The following PCYT2 variants were observed in gnomAD, a reference collection of about 807,000 sequenced individuals.
PCYT2 encodes phosphate cytidylyltransferase 2, ethanolamine, also known as ethanolamine-phosphate cytidylyltransferase.
PCYT2 carries 33 observed loss-of-function variants against 50.0 expected under a neutral mutation model. That is an observed-to-expected ratio of 0.66 (90% CI 0.50 to 0.88). The LOEUF (loss-of-function observed/expected upper bound fraction) is 0.88, where lower values mean the gene tolerates loss of function less well. Among genes scored for constraint, PCYT2 ranks in the 40% least tolerant of loss-of-function variants. The pLI is 0.00. For synonymous variants in PCYT2, 240 were observed against 203.7 expected (o/e 1.18, Z -1.52); for missense variants, 430 against 519.7 (o/e 0.83, Z 1.68).
chr17:81,909,136 C>T, intron 2 of PCYT2, 99 bp from the exon 3 acceptor site: 2 of 1,528,622 alleles, frequency 1.3e-6, no homozygotes, highest in South Asian at 1.3e-5. Context: ...CACAAGAGGG[C>T]CGGTGGGGGC....
chr17:81,905,385 G>T lies in PCYT2; in HGVS notation c.966C>A (p.Tyr322Ter). The T allele has an allele frequency of 6.4e-7, 1 of 1,557,512 alleles. No individual in the cohort carries two copies. Among genetic ancestry groups the T allele is most frequent in the Non-Finnish European group, 8.7e-7 (1 of 1,150,360 alleles). Reference sequence around the variant, plus strand: ...AGCAAGGGCCAGCATGACCCACCTGGTATGGGTCGGAGCCATCCCTGTCAG... The same window carrying T: ...AGCAAGGGCCAGCATGACCCACCTGTTATGGGTCGGAGCCATCCCTGTCAG... ...IIPDRDGSDP[Y>*]QEPKRRGIFR... The change falls in exon 11 of 13, where the codon TAC becomes TAA. Residue 322 changes from tyrosine to a stop codon, truncating the protein, a stop_gained. Transcript: ENST00000538936. LOFTEE classifies it high-confidence loss of function.
At position 81,903,302 on chromosome 17, in the gene PCYT2, T is replaced by G. The variant is rs2040048481; in HGVS notation, c.*1531A>C. On this transcript the variant is annotated 3_prime_UTR_variant, in exon 13 of 13. Transcript: ENST00000538936. The stretch of plus-strand genomic sequence containing the variant: ...GAGAGTTGGGGGCCTGAGCCCTGGC[T>G]CCAGAGGCCCAGAGCATGCCTCCCC... The G allele has an allele frequency of 6.5e-6, 1 of 153,308 alleles. No homozygotes were observed. Among genetic ancestry groups the G allele is most frequent in the Admixed American group, 6.5e-5 (1 of 15,316 alleles). The allele number at this position is 153,308 out of a possible 1,614,324, so 9.5% of individuals were successfully genotyped here. A position where few individuals can be genotyped will look rare whatever the true frequency, so the allele number is the denominator to read the frequency against.
chr17:81,905,014 C>T, intron 12 of PCYT2, 52 bp downstream of exon 12: 1 of 1,590,676 alleles, frequency 6.3e-7, no homozygotes, highest in African/African-American at 1.3e-5. Flanking sequence ...CACGGTAAGT[C>T]TAGCGGAGAG....
Position 81,906,474 on chromosome 17 carries a change from T to C in PCYT2, c.749A>G (p.His250Arg), listed in dbSNP as rs1306281288. 27 of 1,613,172 alleles carry C rather than the reference T, an allele frequency of 1.7e-5. No individual in the cohort carries two copies. Among genetic ancestry groups the C allele is most frequent in the South Asian group, 3.3e-5 (3 of 91,082 alleles). ...AERPYIIAGL[H>R]FDQEVNHYKG... ...CAAGAAGGCAGTGACCTGGTCAAAGTGTAAGCCCGCGATGATGTAGGGCCT... is the reference window on the plus strand; with the variant it reads ...CAAGAAGGCAGTGACCTGGTCAAAGCGTAAGCCCGCGATGATGTAGGGCCT... Residue 250 changes from histidine (H) to arginine (R), a missense_variant, in exon 8 of 13, where the codon CAC becomes CGC. Coordinates refer to ENST00000538936, the MANE Select transcript of PCYT2 (RefSeq NM_002861.5).
chr17:81,911,254 G>A lies in PCYT2; in HGVS notation c.89+13C>T. ...CCCGGCGCCCCCGCGGCCCGCCCCG[G>A]CCCCGCGCTCACCAGCCATCGCACC... On this transcript the variant is annotated intron_variant, in intron 1 of 12. Transcript: ENST00000538936. 9.6e-7 allele frequency: 1 copy of A among 1,045,892 alleles called. No homozygotes were observed. Among genetic ancestry groups the A allele is most frequent in the Non-Finnish European group, 1.1e-6 (1 of 871,214 alleles). 64.8% of individuals were successfully genotyped at this position (1,045,892 alleles called of 1,614,324 possible).
chr17:81,910,704 G>C (rs955876374), intron 1 of PCYT2, among the ~76,000 whole-genome samples: 1 of 152,244 alleles, frequency 6.6e-6, no homozygotes, highest in Non-Finnish European at 1.5e-5. Context: ...CGGCAGGCAC[G>C]TGAAAGGGTC....
In PCYT2 at chr17:81,902,515, C is replaced by A. The variant is rs533951965; in HGVS notation, c.*2318G>T. 1,175 of 1,446,844 alleles carry A rather than the reference C, an allele frequency of 8.1e-4. No homozygotes were observed. The highest frequency in any genetic ancestry group is 1.0e-3 in the Non-Finnish European group (1,123 of 1,106,534). The allele number at this position is 1,446,844 out of a possible 1,614,324, so 89.6% of individuals were successfully genotyped here. Reference sequence around the variant, plus strand: ...CCCGGAGCTGCAACTGCACCCCAGGCTGCGGAGCCTCGTGAGTCCGGCGTG... The same window carrying A: ...CCCGGAGCTGCAACTGCACCCCAGGATGCGGAGCCTCGTGAGTCCGGCGTG... On this transcript the variant is annotated 3_prime_UTR_variant, in exon 13 of 13. Coordinates refer to ENST00000538936, the MANE Select transcript of PCYT2 (RefSeq NM_002861.5).
rs770434291 is a variant in PCYT2, at chr17:81,908,907, G to A, written c.309C>T (p.Asp103=). 1.2e-6 allele frequency: 2 copies of A among 1,613,962 alleles called. No homozygotes were observed. The change falls in exon 3 of 13, where the codon GAC becomes GAT. Residue 103 remains aspartate (D), a synonymous_variant. Coordinates refer to ENST00000538936, the MANE Select transcript of PCYT2 (RefSeq NM_002861.5). Reference sequence around the variant, plus strand: ...GAACACAGAAGTCACAGTTGTATTTGTCCAGGGTCTCTAGTGTAGTGACGT... The same window carrying A: ...GAACACAGAAGTCACAGTTGTATTTATCCAGGGTCTCTAGTGTAGTGACGT... The part of the protein sequence containing the change: ...APYVTTLETL[D]KYNCDFCVHG...
chr17:81,902,788 C>T lies in PCYT2; in HGVS notation c.*2045G>A. The stretch of plus-strand genomic sequence containing the variant: ...TGGCACCGCTGGGGGCCCCCCGCCC[C>T]CACCGTCCCACTCGGTGACCCCAGG... On this transcript the variant is annotated 3_prime_UTR_variant, in exon 13 of 13. Transcript: ENST00000538936. 1 of 1,563,154 alleles carries T rather than the reference C, an allele frequency of 6.4e-7. No homozygotes were observed. Among genetic ancestry groups the T allele is most frequent in the Non-Finnish European group, 8.6e-7 (1 of 1,157,414 alleles).
Position 81,906,110 on chromosome 17 carries a change from A to C in PCYT2, c.827T>G (p.Leu276Arg). ...CTGGCCCCCACTCACCCGGCAGGCC[A>C]GCACGCTCAGAGTCCGTTCATGCAG... Reference protein sequence around the residue: ...MNLHERTLSVLACRYVSEVVI... With the variant: ...MNLHERTLSVRACRYVSEVVI... The change falls in exon 9 of 13, where the codon CTG (leucine) becomes CGG (arginine). Residue 276 changes from leucine (L) to arginine (R), a missense_variant. This residue lies in a region of PCYT2 where 248 missense variants were observed against 300.2 expected (regional missense o/e 0.83). Transcript: ENST00000538936. 6.2e-7 allele frequency: 1 copy of C among 1,612,030 alleles called. No homozygotes were observed. Among genetic ancestry groups the C allele is most frequent in the Non-Finnish European group, 8.5e-7 (1 of 1,179,044 alleles).
Position 81,902,660 on chromosome 17 carries a change from G to A in PCYT2, c.*2173C>T. ...GACGTCGCCCCAAACCTGCAGAGGT[G>A]CGAGCGGCTCCCCGACGGCCGCGGG... On this transcript the variant is annotated 3_prime_UTR_variant, in exon 13 of 13. Coordinates refer to ENST00000538936, the MANE Select transcript of PCYT2 (RefSeq NM_002861.5). 1 of 1,606,958 alleles carries A rather than the reference G, an allele frequency of 6.2e-7. No homozygotes were observed. Among genetic ancestry groups the A allele is most frequent in the Non-Finnish European group, 8.5e-7 (1 of 1,178,362 alleles).
At chr17:81,909,650 C>G (rs74006132) in intron 1 of PCYT2, 48 bp from the exon 2 acceptor site, 1 of 1,456,662 alleles carries the variant, frequency 6.9e-7, no homozygotes, top group Non-Finnish European at 9.6e-7. Context: ...GGGTGGGGAC[C>G]AGGTGTCCCT....
chr17:81,906,697 T>C, intron 7 of PCYT2, 63 bp downstream of exon 7: 1 of 1,601,634 alleles, frequency 6.2e-7, no homozygotes, highest in South Asian at 1.1e-5. Flanking sequence ...AGGAGTCAAG[T>C]GAGGCCCCCG....
intron 6 of PCYT2, 190 bp from the exon 7 acceptor site, chr17:81,907,088 G>T: frequency 9.3e-7 from 1 of 1,076,822 alleles, no homozygotes. Flanking sequence ...AGCAGGCACC[G>T]CAGCAGACAC....
intron 6 of PCYT2, 71 bp from the exon 7 acceptor site, chr17:81,906,969 C>T: frequency 6.6e-7 from 1 of 1,511,586 alleles, no homozygotes; most frequent in Non-Finnish European, 9.0e-7. Context: ...GGTCACCAAA[C>T]CCTCAGCTGT....
Position 81,902,838 on chromosome 17 carries a change from C to T in PCYT2, c.*1995G>A, listed in dbSNP as rs2040016452. The stretch of plus-strand genomic sequence containing the variant: ...GCCCCTCCGGCGCGGGATGGCGCCC[C>T]AGGTCTCCCCTACTCCGCTCACCCC... On this transcript the variant is annotated 3_prime_UTR_variant, in exon 13 of 13. Transcript: ENST00000538936. 8.4e-7 allele frequency: 1 copy of T among 1,193,852 alleles called. No individual in the cohort carries two copies. The highest frequency in any genetic ancestry group is 1.2e-6 in the Non-Finnish European group (1 of 866,058). The allele number at this position is 1,193,852 out of a possible 1,614,324, so 74.0% of individuals were successfully genotyped here.
chr17:81,906,228 G>C (rs2040258925), intron 8 of PCYT2, 51 bp from the exon 9 acceptor site: 1 of 1,468,332 alleles, frequency 6.8e-7, no homozygotes, highest in Admixed American at 1.9e-5. Context: ...GGGGGGACAG[G>C]GTGTGCCCCT....
Position 81,911,388 on chromosome 17 carries a change from G to C in PCYT2, c.-33C>G. On this transcript the variant is annotated 5_prime_UTR_variant, in exon 1 of 13. Transcript: ENST00000538936. ...CAGCGGCGGCGCGGACAGCCTGGCAGCTCCCGGCGACTCCGAGCGCCGCCG... is the reference window on the plus strand; with the variant it reads ...CAGCGGCGGCGCGGACAGCCTGGCACCTCCCGGCGACTCCGAGCGCCGCCG... 9.9e-7 allele frequency: 1 copy of C among 1,010,130 alleles called. No homozygotes were observed. The highest frequency in any genetic ancestry group is 4.2e-5 in the South Asian group (1 of 23,698). The allele number at this position is 1,010,130 out of a possible 1,614,324, so 62.6% of individuals were successfully genotyped here.
intron 6 of PCYT2, 119 bp downstream of exon 6, chr17:81,907,435 G>T: frequency 1.6e-6 from 2 of 1,254,916 alleles, no homozygotes; most frequent in South Asian, 1.3e-5. Flanking sequence ...TCAGTGCCAG[G>T]GACAGAGGGA....
Sources: gnomAD v4.1 joint callset for allele counts (sites outside exome capture counted in the v4.1 genomes callset) on GRCh38, gnomAD v4.1.1 for gene constraint, gnomAD v4.1.1 regional missense constraint, MANE v1.5 for transcripts, NCBI Gene and HGNC (gene_info 2026-07-23, HGNC 2026-07-21) for gene names.